The following SNCAIP variants were observed in gnomAD, a reference collection of about 807,000 sequenced individuals.
The protein encoded by SNCAIP is synuclein alpha interacting protein.
SNCAIP carries 43 observed loss-of-function variants against 86.7 expected under a neutral mutation model. The observed-to-expected ratio is 0.50, with a 90% CI of 0.39 to 0.64. The LOEUF is 0.64. Among genes scored for constraint, SNCAIP ranks in the 30% least tolerant of loss-of-function variants. The probability of loss-of-function intolerance (pLI) is 0.00; values close to 1 mark genes in which losing one functional copy is unlikely to be tolerated. For synonymous variants in SNCAIP, 417 were observed against 427.2 expected (o/e 0.98, Z 0.29); for missense variants, 981 against 1,103.1 (o/e 0.89, Z 1.57).
intron 1 of SNCAIP, among the ~76,000 whole-genome samples, chr5:122,363,026 C>T (rs923414089): frequency 2.0e-4 from 24 of 118,554 alleles, no homozygotes; most frequent in African/African-American, 5.9e-4. Flanking sequence ...GATGGAGTTT[C>T]GCTGTTGGTG....
chr5:122,352,045 G>A (rs943271333), intron 1 of SNCAIP, among the ~76,000 whole-genome samples: 2 of 152,304 alleles, frequency 1.3e-5, no homozygotes, highest in Admixed American at 6.5e-5. Flanking sequence ...AATCTTGGAT[G>A]CTCAGTGTTT....
chr5:122,347,632 C>G lies in SNCAIP; in HGVS notation c.-47+35348C>G, dbSNP rs191731242. ...GGAAAAAATATATATCCATATTGAT[C>G]TTACTTTGTCTCCGTTCTAATTAAG... On this transcript the variant is annotated intron_variant, in intron 1 of 10. Coordinates refer to ENST00000261368, the MANE Select transcript of SNCAIP (RefSeq NM_005460.4). 2.9e-3 allele frequency among the ~76,000 whole-genome samples: 444 copies of G among 152,142 alleles called. 5 individuals are homozygous for G. Among genetic ancestry groups the G allele is most frequent in the African/African-American group, 0.01 (417 of 41,538 alleles).
At chr5:122,461,301 C>G (rs746134013) in intron 10 of SNCAIP, among the ~76,000 whole-genome samples, 19 of 152,130 alleles carry the variant, frequency 1.2e-4, no homozygotes, top group Non-Finnish European at 2.4e-4. Flanking sequence ...GATGCTTTGC[C>G]ATGATGTGGG....
intron 1 of SNCAIP, chr5:122,388,440 A>C (rs1331296588): frequency 2.0e-5 from 3 of 152,292 alleles, no homozygotes; most frequent in Non-Finnish European, 4.4e-5. Context: ...GCAGAGTGGG[A>C]GGTGTCAGAA....
intron 5 of SNCAIP, among the ~76,000 whole-genome samples, chr5:122,427,914 C>T (rs549505820): frequency 1.6e-3 from 251 of 152,202 alleles, no homozygotes; most frequent in Non-Finnish European, 2.9e-3. Flanking sequence ...TGGAATGGAA[C>T]GTAATAAATT....
At chr5:122,405,737 AT>A (rs1166389384) in intron 3 of SNCAIP, among the ~76,000 whole-genome samples, 1 of 152,168 alleles carries the variant, frequency 6.6e-6, no homozygotes, top group Non-Finnish European at 1.5e-5. Flanking sequence ...AGTTTAAATT[AT>A]TTTTTCCGTT....
intron 3 of SNCAIP, among the ~76,000 whole-genome samples, chr5:122,414,554 C>T (rs1430647294): frequency 6.6e-6 from 1 of 152,122 alleles, no homozygotes; most frequent in African/African-American, 2.4e-5. Context: ...TGACTTTGCT[C>T]CCACACAGAA....
intron 2 of SNCAIP, among the ~76,000 whole-genome samples, chr5:122,395,296 T>C (rs1770366557): frequency 6.6e-6 from 1 of 152,178 alleles, no homozygotes; most frequent in Non-Finnish European, 1.5e-5. Context: ...TATATACATG[T>C]AAGTATTTAC....
intron 1 of SNCAIP, among the ~76,000 whole-genome samples, chr5:122,383,284 G>T (rs1038693273): frequency 4.6e-5 from 7 of 152,202 alleles, no homozygotes; most frequent in Non-Finnish European, 1.0e-4. Context: ...TCAATATTCG[G>T]GTGGGAGTGA....
At chr5:122,460,532 C>G (rs1561827280) in intron 10 of SNCAIP, among the ~76,000 whole-genome samples, 1 of 152,060 alleles carries the variant, frequency 6.6e-6, no homozygotes, top group Non-Finnish European at 1.5e-5. Context: ...CCTCTCTTTC[C>G]TATCTCTCAC....
chr5:122,371,464 GA>G (rs1764252437), intron 1 of SNCAIP: 1 of 152,182 alleles, frequency 6.6e-6, no homozygotes, highest in Admixed American at 6.5e-5. Context: ...ATGAGGTACA[GA>G]GGTGTAAACA....
Position 122,429,151 on chromosome 5 carries a change from C to A in SNCAIP, c.1183-2818C>A, listed in dbSNP as rs114466393. Among the ~76,000 whole-genome samples, 733 of 151,668 alleles carry A rather than the reference C, an allele frequency of 4.8e-3. 6 individuals carry two copies. The highest frequency in any genetic ancestry group is 0.017 in the African/African-American group (701 of 41,384). On this transcript the variant is annotated intron_variant, in intron 5 of 10. Coordinates refer to ENST00000261368, the MANE Select transcript of SNCAIP (RefSeq NM_005460.4). ...TGAAAATACAACATACCAACACTTACAAGATGCAACTAAAGCAGCACTTAG... is the reference window on the plus strand; with the variant it reads ...TGAAAATACAACATACCAACACTTAAAAGATGCAACTAAAGCAGCACTTAG...
intron 3 of SNCAIP, among the ~76,000 whole-genome samples, chr5:122,414,471 TC>T (rs1275025176): frequency 6.6e-6 from 1 of 152,094 alleles, no homozygotes; most frequent in Non-Finnish European, 1.5e-5. Flanking sequence ...CCTCAAGTGA[TC>T]CGCCCACCTT....
chr5:122,414,334 G>T (rs191463989), intron 3 of SNCAIP, among the ~76,000 whole-genome samples: 1 of 150,240 alleles, frequency 6.7e-6, no homozygotes, highest in Admixed American at 6.6e-5. Flanking sequence ...AAGTTCAAGC[G>T]ATTCTCCTGC....
chr5:122,444,034 G>T, intron 7 of SNCAIP: 1 of 456,526 alleles, frequency 2.2e-6, no homozygotes, highest in South Asian at 1.5e-5. Context: ...TTGTGGGAGG[G>T]TGGGAGCTGC....
chr5:122,443,391 TG>T (rs1292152099), intron 7 of SNCAIP, among the ~76,000 whole-genome samples: 1 of 152,226 alleles, frequency 6.6e-6, no homozygotes, highest in African/African-American at 2.4e-5. Flanking sequence ...CAAAATAGTT[TG>T]GATTTTTTTA....
intron 1 of SNCAIP, among the ~76,000 whole-genome samples, chr5:122,320,724 A>G (rs1752744078): frequency 6.6e-6 from 1 of 152,198 alleles, no homozygotes; most frequent in African/African-American, 2.4e-5. Flanking sequence ...TTTGCAGATG[A>G]GAAGGCAACA....
chr5:122,353,218 G>A (rs186598504), intron 1 of SNCAIP, among the ~76,000 whole-genome samples: 1 of 152,188 alleles, frequency 6.6e-6, no homozygotes, highest in Admixed American at 6.5e-5. Context: ...GGCAGCACAA[G>A]TGTACATACC....
chr5:122,335,536 G>T (rs959141056), intron 1 of SNCAIP, among the ~76,000 whole-genome samples: 1 of 152,164 alleles, frequency 6.6e-6, no homozygotes, highest in African/African-American at 2.4e-5. Flanking sequence ...TTTGGCAGAG[G>T]GTTTCTCTGC....
Sources: allele counts gnomAD v4.1 joint callset (sites outside exome capture counted in the v4.1 genomes callset), GRCh38; gene constraint gnomAD v4.1.1; transcripts MANE v1.5; gene names NCBI Gene and HGNC (gene_info 2026-07-23, HGNC 2026-07-21).